RYR2: variants seen among roughly 807,000 people sequenced by gnomAD.
The protein encoded by RYR2 is ryanodine receptor 2.
A neutral mutation model predicts 601.1 loss-of-function variants in RYR2; 227 were observed. The observed-to-expected ratio is 0.38, with a 90% CI of 0.34 to 0.42. The LOEUF (loss-of-function observed/expected upper bound fraction) is 0.42, where lower values mean the gene tolerates loss of function less well. Ranked by LOEUF, RYR2 falls within the 10% of genes least tolerant of loss-of-function variation. RYR2 has a pLI of 1.00. For synonymous variants in RYR2, 2,223 were observed against 2,175.1 expected (o/e 1.02, Z -0.61); for missense variants, 4,646 against 6,156.5 (o/e 0.75, Z 8.21).
rs546732183 is a variant in RYR2 at position 237,649,966 on chromosome 1, C to T, written c.7602C>T (p.Leu2534=). 3 of 1,614,028 alleles carry T rather than the reference C, an allele frequency of 1.9e-6. No homozygotes were observed. In the South Asian group the frequency reaches 3.3e-5, roughly 18 times the overall value. The part of the protein sequence containing the change: ...VLPLLTRCAP[L]FAGTEHHASL... ...CATTGTTAACAAGATGTGCTCCTCT[C>T]TTTGCTGGCACAGAGCACCACGCTT... The change falls in exon 50 of 105, where the codon CTC becomes CTT. Residue 2534 remains leucine, a synonymous_variant. Coordinates refer to ENST00000366574, the MANE Select transcript of RYR2 (RefSeq NM_001035.3).
intron 10 of RYR2, among the ~76,000 whole-genome samples, chr1:237,396,166 T>C (rs988420466): frequency 3.9e-5 from 6 of 152,212 alleles, no homozygotes; most frequent in Non-Finnish European, 8.8e-5. Flanking sequence ...CCTGAAGGAT[T>C]GTTATCTGCC....
At chr1:237,605,094 C>T (rs6672800) in intron 35 of RYR2, among the ~76,000 whole-genome samples, 13,251 of 152,108 alleles carry the variant, frequency 0.087, 776 homozygotes, top group East Asian at 0.17. Context: ...CATCCTGATA[C>T]CAAAGCCTGG....
At chr1:237,786,096 T>C (rs865882282) in intron 91 of RYR2, 60 bp downstream of exon 91, 1 of 1,050,190 alleles carries the variant, frequency 9.5e-7, no homozygotes, top group Middle Eastern at 2.2e-4. Flanking sequence ...TCTCTTTTTC[T>C]TGTACTCTGT....
At chr1:237,319,396 G>T (rs946185008) in intron 2 of RYR2, among the ~76,000 whole-genome samples, 1 of 151,996 alleles carries the variant, frequency 6.6e-6, no homozygotes, top group Non-Finnish European at 1.5e-5. Context: ...GTTAAAACTG[G>T]ACATTTTAGA....
chr1:237,455,265 C>G (rs960777994), intron 15 of RYR2, among the ~76,000 whole-genome samples: 3 of 151,998 alleles, frequency 2.0e-5, no homozygotes, highest in Non-Finnish European at 4.4e-5. Context: ...CAGGCTTGTT[C>G]AGCTGGATTC....
rs376323613 is a variant in RYR2 at position 237,747,773 on chromosome 1, A to G, written c.11145+5424A>G. ...CTTAGCAAAGAGAATTTTTAAATGC[A>G]TAAAAATTAAAGATATAGCTACGGA... On this transcript the variant is annotated intron_variant, in intron 80 of 104. Transcript: ENST00000366574. Among the ~76,000 whole-genome samples the G allele has an allele frequency of 7.5e-4, 114 of 152,338 alleles. No homozygotes were observed. The Middle Eastern group carries it at 0.027, about 36-fold the overall frequency.
In RYR2 at chr1:237,772,009, T is replaced by A; in HGVS notation, c.11558-3T>A. ...ATTAATAACATTTTTTTATCTTGCA[T>A]AGATTTTCAGAATTATCTGAGAACT... On this transcript the variant is annotated splice_region_variant and splice_polypyrimidine_tract_variant and intron_variant, in intron 85 of 104. Coordinates refer to ENST00000366574, the MANE Select transcript of RYR2 (RefSeq NM_001035.3). The A allele has an allele frequency of 6.7e-7, 1 of 1,501,642 alleles. No individual in the cohort carries two copies. The highest frequency in any genetic ancestry group is 1.4e-5 in the African/African-American group (1 of 72,296). 93.0% of individuals were successfully genotyped at this position (1,501,642 alleles called of 1,614,324 possible).
intron 1 of RYR2, among the ~76,000 whole-genome samples, chr1:237,163,147 C>T (rs183459070): frequency 3.7e-4 from 56 of 152,166 alleles, no homozygotes; most frequent in Non-Finnish European, 6.8e-4. Flanking sequence ...CCGGTCAAAC[C>T]TCTCTACTGG....
At chr1:237,433,136 AT>A (rs970215866) in intron 12 of RYR2, among the ~76,000 whole-genome samples, 19 of 152,156 alleles carry the variant, frequency 1.2e-4, no homozygotes, top group African/African-American at 3.9e-4. Flanking sequence ...AATAGAAGGC[AT>A]TTCTGATACT....
chr1:237,260,722 C>G (rs866668208), intron 1 of RYR2, among the ~76,000 whole-genome samples: 5 of 152,230 alleles, frequency 3.3e-5, no homozygotes, highest in South Asian at 2.1e-4. Context: ...TTCCAGTCTT[C>G]TAAATTATAG....
chr1:237,613,945 T>G, intron 36 of RYR2, 94 bp from the exon 37 acceptor site: 1 of 1,222,042 alleles, frequency 8.2e-7, no homozygotes, highest in Non-Finnish European at 1.1e-6. Flanking sequence ...ACTTTTTTCC[T>G]TCAAATTTAC....
intron 6 of RYR2, 49 bp downstream of exon 6, chr1:237,369,657 G>A: frequency 6.9e-7 from 1 of 1,449,398 alleles, no homozygotes; most frequent in South Asian, 1.2e-5. Context: ...TGATCCATTT[G>A]GGGGTACATG....
At chr1:237,144,445 C>T (rs1264919854) in intron 1 of RYR2, among the ~76,000 whole-genome samples, 1 of 152,174 alleles carries the variant, frequency 6.6e-6, no homozygotes. Context: ...CCAGTAGAGA[C>T]TGCGAGATAG....
chr1:237,817,596 A>G (rs1158467167), intron 100 of RYR2, among the ~76,000 whole-genome samples: 4 of 152,250 alleles, frequency 2.6e-5, no homozygotes, highest in African/African-American at 9.6e-5. Flanking sequence ...CAGGCTGGAA[A>G]TAGAAATGAG....
At chr1:237,365,297 C>T (rs578149329) in intron 5 of RYR2, among the ~76,000 whole-genome samples, 25 of 152,144 alleles carry the variant, frequency 1.6e-4, no homozygotes, top group African/African-American at 5.3e-4. Flanking sequence ...GAAAAGGAAG[C>T]GCGTTCTTGT....
rs780476021 is a variant in RYR2 at position 237,678,158 on chromosome 1, A to C, written c.8895+46A>C. On this transcript the variant is annotated intron_variant, in intron 61 of 104. Coordinates refer to ENST00000366574, the MANE Select transcript of RYR2 (RefSeq NM_001035.3). ...TGTTTTTGCTTCAATATGTTTGTTTACATACCCTACTCATTAGATCGTTGC... is the reference window on the plus strand; with the variant it reads ...TGTTTTTGCTTCAATATGTTTGTTTCCATACCCTACTCATTAGATCGTTGC... The C allele has an allele frequency of 2.5e-5, 26 of 1,037,140 alleles. No homozygotes were observed. In the Admixed American group the frequency reaches 4.7e-4, roughly 19 times the overall value. The allele number at this position is 1,037,140 out of a possible 1,614,324, so 64.2% of individuals were successfully genotyped here. A position where few individuals can be genotyped will look rare whatever the true frequency, so the allele number is the denominator to read the frequency against.
At chr1:237,139,593 A>G (rs1673161749) in intron 1 of RYR2, among the ~76,000 whole-genome samples, 1 of 152,184 alleles carries the variant, frequency 6.6e-6, no homozygotes, top group South Asian at 2.1e-4. Context: ...TAGAGAGGAA[A>G]GATCCTGTTC....
chr1:237,536,651 G>A (rs553448077), intron 25 of RYR2, among the ~76,000 whole-genome samples: 1 of 135,318 alleles, frequency 7.4e-6, no homozygotes, highest in Admixed American at 8.0e-5. Context: ...GGAGGCGGAG[G>A]TTGCAGTGAG....
At chr1:237,096,987 A>G (rs1323915332) in intron 1 of RYR2, among the ~76,000 whole-genome samples, 1 of 152,204 alleles carries the variant, frequency 6.6e-6, no homozygotes, top group Admixed American at 6.5e-5. Flanking sequence ...CGCCCATGTG[A>G]TTTTAGTCTA....
Sources: gnomAD v4.1 joint callset for allele counts (sites outside exome capture counted in the v4.1 genomes callset) on GRCh38, gnomAD v4.1.1 for gene constraint, MANE v1.5 for transcripts, NCBI Gene and HGNC (gene_info 2026-07-23, HGNC 2026-07-21) for gene names.